CDKAL1: variants seen among roughly 807,000 people sequenced by gnomAD.
CDKAL1 encodes the protein threonylcarbamoyladenosine tRNA methylthiotransferase.
CDKAL1 carries 32 observed loss-of-function variants against 68.2 expected under a neutral mutation model. That is an observed-to-expected ratio of 0.47 (90% CI 0.35 to 0.63). The LOEUF (loss-of-function observed/expected upper bound fraction) is 0.63. Among genes scored for constraint, CDKAL1 ranks in the 30% least tolerant of loss-of-function variants. CDKAL1 has a pLI of 0.00. For missense variants in CDKAL1, 606 were observed against 696.7 expected (o/e 0.87, Z 1.47); for synonymous variants, 234 against 244.3 (o/e 0.96, Z 0.39).
At chr6:20,859,255 G>A (rs543206097) in intron 9 of CDKAL1, among the ~76,000 whole-genome samples, 23 of 151,364 alleles carry the variant, frequency 1.5e-4, no homozygotes, top group Non-Finnish European at 3.1e-4. Flanking sequence ...TCCAGCCTGG[G>A]TGACAAAGTG....
At chr6:21,187,899 C>T (rs1233549990) in intron 13 of CDKAL1, among the ~76,000 whole-genome samples, 2 of 152,084 alleles carry the variant, frequency 1.3e-5, no homozygotes, top group Non-Finnish European at 2.9e-5. Context: ...AAAATTTTTT[C>T]CCAGAAGCAC....
chr6:20,697,079 TAGAG>T (rs1477943693), intron 5 of CDKAL1, among the ~76,000 whole-genome samples: 5 of 152,094 alleles, frequency 3.3e-5, no homozygotes, highest in African/African-American at 7.2e-5. Flanking sequence ...AAAAAATCAT[TAGAG>T]AGATGCAAAA....
chr6:21,002,930 A>G (rs113884971), intron 11 of CDKAL1, among the ~76,000 whole-genome samples: 18,661 of 151,932 alleles, frequency 0.12, 2,249 homozygotes, highest in African/African-American at 0.32. Flanking sequence ...CGGAGGTTGC[A>G]GTGAGCCAAG....
intron 4 of CDKAL1, among the ~76,000 whole-genome samples, chr6:20,647,175 C>T (rs982642592): frequency 5.3e-5 from 8 of 152,208 alleles, no homozygotes; most frequent in African/African-American, 1.9e-4. Flanking sequence ...TGAAATTCAA[C>T]ATTCATTCAG....
chr6:20,658,747 A>AC (rs1280231139), intron 5 of CDKAL1, among the ~76,000 whole-genome samples: 1 of 151,884 alleles, frequency 6.6e-6, no homozygotes, highest in Non-Finnish European at 1.5e-5. Flanking sequence ...ATTAAAAAAA[A>AC]CCCTTTCCAG....
At chr6:20,926,564 T>C (rs140068732) in intron 9 of CDKAL1, among the ~76,000 whole-genome samples, 181 of 152,224 alleles carry the variant, frequency 1.2e-3, no homozygotes, top group Non-Finnish European at 2.1e-3. Flanking sequence ...ATGGAAAATA[T>C]GCAGGTTGGT....
intron 13 of CDKAL1, 135 bp from the exon 14 acceptor site, chr6:21,197,886 C>A: frequency 2.1e-6 from 1 of 484,188 alleles, no homozygotes; most frequent in Non-Finnish European, 3.6e-6. Context: ...AAATAACCAG[C>A]AATGTAGAGT....
intron 5 of CDKAL1, among the ~76,000 whole-genome samples, chr6:20,681,105 A>C (rs1770356040): frequency 6.6e-6 from 1 of 152,222 alleles, no homozygotes; most frequent in Non-Finnish European, 1.5e-5. Flanking sequence ...TATTTAGCTT[A>C]AGCCTCTTCC....
intron 4 of CDKAL1, among the ~76,000 whole-genome samples, chr6:20,598,777 T>A (rs1765952681): frequency 6.6e-6 from 1 of 152,168 alleles, no homozygotes; most frequent in Non-Finnish European, 1.5e-5. Context: ...GGACATTTAT[T>A]TTTCATATGC....
chr6:20,974,445 C>G (rs973897295), intron 10 of CDKAL1, among the ~76,000 whole-genome samples: 1 of 152,164 alleles, frequency 6.6e-6, no homozygotes, highest in African/African-American at 2.4e-5. Flanking sequence ...TTTGCCACAA[C>G]TTCACATTGG....
intron 5 of CDKAL1, among the ~76,000 whole-genome samples, chr6:20,670,211 G>A (rs767941978): frequency 3.3e-5 from 5 of 152,152 alleles, no homozygotes; most frequent in Non-Finnish European, 5.9e-5. Context: ...TAATATTTAT[G>A]TTTAGTCCTT....
chr6:20,985,442 C>T (rs537051845), intron 10 of CDKAL1, among the ~76,000 whole-genome samples: 13 of 152,176 alleles, frequency 8.5e-5, no homozygotes, highest in South Asian at 2.1e-4. Flanking sequence ...TATAGGCACC[C>T]GCCACCACTC....
chr6:20,777,101 T>C (rs1350951519), intron 7 of CDKAL1, among the ~76,000 whole-genome samples: 1 of 152,194 alleles, frequency 6.6e-6, no homozygotes, highest in African/African-American at 2.4e-5. Flanking sequence ...GAGCTAGCGC[T>C]ATGAGGCTTG....
At chr6:20,726,099 A>G (rs1352138393) in intron 5 of CDKAL1, among the ~76,000 whole-genome samples, 2 of 151,800 alleles carry the variant, frequency 1.3e-5, no homozygotes, top group African/African-American at 4.8e-5. Flanking sequence ...AGAGTCTATC[A>G]CCTTTTAAAG....
At chr6:20,992,006 T>C (rs1766838741) in intron 10 of CDKAL1, among the ~76,000 whole-genome samples, 1 of 148,492 alleles carries the variant, frequency 6.7e-6, no homozygotes, top group South Asian at 2.1e-4. Context: ...TTTTTATACT[T>C]TTCCCCCACC....
intron 4 of CDKAL1, among the ~76,000 whole-genome samples, chr6:20,591,770 C>G (rs200609155): frequency 6.6e-6 from 1 of 151,962 alleles, no homozygotes; most frequent in Non-Finnish European, 1.5e-5. Context: ...TTTTGGTTAC[C>G]GTAGCCTTGT....
At position 20,539,117 on chromosome 6, in the gene CDKAL1, G is replaced by A. The variant is rs1052196378; in HGVS notation, c.-6+3723G>A. Among the ~76,000 whole-genome samples the A allele has an allele frequency of 6.6e-6, 1 of 152,154 alleles. No individual in the cohort carries two copies. Among genetic ancestry groups the A allele is most frequent in the African/African-American group, 2.4e-5 (1 of 41,444 alleles). ...ATAAGGTAGTAGGAAAGGCCTCTCC[G>A]AGGAGATGTTGTTTGAGTGAAGAAG... On this transcript the variant is annotated intron_variant, in intron 2 of 15. Transcript: ENST00000274695. The surrounding 1 kb of genome is among the most constrained non-coding windows in gnomAD (Gnocchi z 4.3).
chr6:20,685,713 T>G (rs1177647056), intron 5 of CDKAL1, among the ~76,000 whole-genome samples: 1 of 152,166 alleles, frequency 6.6e-6, no homozygotes, highest in Non-Finnish European at 1.5e-5. Flanking sequence ...TTTATTTTAT[T>G]TTTGCTAGAA....
intron 9 of CDKAL1, among the ~76,000 whole-genome samples, chr6:20,901,699 A>AAAAAAAAAAAAG (rs1554137984): frequency 7.9e-5 from 6 of 75,966 alleles, no homozygotes; most frequent in Non-Finnish European, 1.1e-4. Context: ...AAAAAAAAAA[A>AAAAAAAAAAAAG]AAAAGAAAAG....
Sources: allele counts gnomAD v4.1 joint callset (sites outside exome capture counted in the v4.1 genomes callset), GRCh38; gene constraint gnomAD v4.1.1; non-coding constraint Gnocchi (gnomAD v3.1); transcripts MANE v1.5; gene names NCBI Gene and HGNC (gene_info 2026-07-23, HGNC 2026-07-21).